STAG1: variants seen among roughly 807,000 people sequenced by gnomAD.
STAG1 encodes STAG1 cohesin complex component.
A neutral mutation model predicts 170.9 loss-of-function variants in STAG1; 26 were observed. That is an observed-to-expected ratio of 0.15 (90% CI 0.11 to 0.21). STAG1 has a LOEUF of 0.21. Ranked by LOEUF, STAG1 falls within the 10% of genes least tolerant of loss-of-function variation. STAG1 has a pLI of 1.00. For missense variants in STAG1, 964 were observed against 1,509.5 expected, an observed-to-expected ratio of 0.64 and a Z score of 5.99; for synonymous variants, 514 against 497.7, an observed-to-expected ratio of 1.03 and a Z score of -0.44.
intron 6 of STAG1, among the ~76,000 whole-genome samples, chr3:136,526,136 A>G (rs1935013755): frequency 6.6e-6 from 1 of 152,146 alleles, no homozygotes; most frequent in African/African-American, 2.4e-5. Context: ...GCTGAGTTCA[A>G]TTCCTGGATA....
At chr3:136,736,299 G>A (rs957482777) in intron 1 of STAG1, among the ~76,000 whole-genome samples, 1 of 152,140 alleles carries the variant, frequency 6.6e-6, no homozygotes. Flanking sequence ...AGAGGGGAAG[G>A]CCTTTTTTTA....
At chr3:136,470,378 T>G (rs961468996) in intron 12 of STAG1, among the ~76,000 whole-genome samples, 26 of 152,290 alleles carry the variant, frequency 1.7e-4, no homozygotes, top group African/African-American at 6.0e-4. Context: ...AACAGACACG[T>G]GAAATAATGC....
chr3:136,433,087 C>T (rs1296979450), intron 16 of STAG1, among the ~76,000 whole-genome samples: 1 of 150,548 alleles, frequency 6.6e-6, no homozygotes, highest in Admixed American at 6.6e-5. Context: ...CCTCTTCAAA[C>T]CAACAGAGCC....
chr3:136,714,990 ATTT>A (rs1943495934), intron 1 of STAG1, among the ~76,000 whole-genome samples: 1 of 109,738 alleles, frequency 9.1e-6, no homozygotes, highest in African/African-American at 3.0e-5. Flanking sequence ...TTATATATAT[ATTT>A]TATATATATA....
chr3:136,645,947 C>T (rs974972045), intron 1 of STAG1, among the ~76,000 whole-genome samples: 3 of 152,168 alleles, frequency 2.0e-5, no homozygotes, highest in Admixed American at 2.0e-4. Flanking sequence ...ACTGCAAACC[C>T]AAGTCTCAGG....
At chr3:136,687,061 G>A (rs1418816287) in intron 1 of STAG1, among the ~76,000 whole-genome samples, 2 of 152,130 alleles carry the variant, frequency 1.3e-5, no homozygotes, top group Middle Eastern at 3.2e-3. Flanking sequence ...TTAATATGAT[G>A]GTGTAAGTTA....
chr3:136,562,282 C>T (rs749026112), intron 5 of STAG1, among the ~76,000 whole-genome samples: 1 of 146,006 alleles, frequency 6.8e-6, no homozygotes, highest in Non-Finnish European at 1.5e-5. Flanking sequence ...TTTTTTTAGA[C>T]AGAGTTTCGC....
intron 21 of STAG1, among the ~76,000 whole-genome samples, chr3:136,404,940 A>T (rs1248582557): frequency 6.6e-6 from 1 of 152,058 alleles, no homozygotes; most frequent in East Asian, 1.9e-4. Context: ...AAAACCTAAA[A>T]ATCCACGTAA....
intron 15 of STAG1, among the ~76,000 whole-genome samples, chr3:136,439,833 C>G (rs2107757102): frequency 6.6e-6 from 1 of 152,316 alleles, no homozygotes; most frequent in Middle Eastern, 3.4e-3. Context: ...ATCAGTGAAA[C>G]TGTGGTTGAC....
chr3:136,737,107 T>C, intron 1 of STAG1: 1 of 883,148 alleles, frequency 1.1e-6, no homozygotes, highest in Non-Finnish European at 1.9e-6. Context: ...CAGGTCAGTC[T>C]TTCAATCTGA....
At chr3:136,616,704 T>TTG (rs1373039331) in intron 3 of STAG1, among the ~76,000 whole-genome samples, 2 of 152,000 alleles carry the variant, frequency 1.3e-5, no homozygotes, top group African/African-American at 4.8e-5. Flanking sequence ...CCGAGGAGTT[T>TTG]GAGACCAGCC....
intron 7 of STAG1, among the ~76,000 whole-genome samples, chr3:136,519,878 A>C (rs1934584003): frequency 6.6e-6 from 1 of 152,092 alleles, no homozygotes; most frequent in Non-Finnish European, 1.5e-5. Context: ...TTTTCAACAA[A>C]TTATATTTTT....
intron 7 of STAG1, among the ~76,000 whole-genome samples, chr3:136,519,613 A>G (rs1270905943): frequency 2.0e-5 from 3 of 152,190 alleles, no homozygotes; most frequent in East Asian, 3.9e-4. Context: ...AGAAAGAAGT[A>G]AGACGAAAAG....
chr3:136,742,275 T>A (rs570197373), intron 1 of STAG1, among the ~76,000 whole-genome samples: 2 of 152,258 alleles, frequency 1.3e-5, no homozygotes, highest in East Asian at 3.9e-4. Flanking sequence ...GTATAAAAGA[T>A]ACATTAACCA....
rs536468602 is a variant in STAG1 at position 136,749,168 on chromosome 3, A to G, written c.-84+3027T>C. On this transcript the variant is annotated intron_variant, in intron 1 of 33. Transcript: ENST00000383202. ...ATTATATGACAAAATATATGTTTGC[A>G]TATGTAATTAAGGCCCTTAATCAGT... 5.7e-4 allele frequency among the ~76,000 whole-genome samples: 87 copies of G among 152,328 alleles called. 1 individual carries two copies. The highest frequency in any genetic ancestry group is 1.8e-3 in the African/African-American group (73 of 41,584).
intron 5 of STAG1, among the ~76,000 whole-genome samples, chr3:136,564,574 T>C (rs1357759113): frequency 6.6e-6 from 1 of 152,218 alleles, no homozygotes; most frequent in Non-Finnish European, 1.5e-5. Flanking sequence ...AGGATTTTTA[T>C]TATATTCTAC....
chr3:136,462,858 C>T (rs1384468118), intron 13 of STAG1, among the ~76,000 whole-genome samples: 2 of 152,018 alleles, frequency 1.3e-5, no homozygotes, highest in South Asian at 4.1e-4. Flanking sequence ...ATAATACAGA[C>T]ATAAAATAAG....
chr3:136,513,381 A>G (rs1934177727), intron 7 of STAG1, among the ~76,000 whole-genome samples: 1 of 152,148 alleles, frequency 6.6e-6, no homozygotes, highest in African/African-American at 2.4e-5. Context: ...GACTTGGAAA[A>G]TAAGAAAGAA....
At chr3:136,547,795 T>C (rs1037251795) in intron 5 of STAG1, among the ~76,000 whole-genome samples, 5 of 152,230 alleles carry the variant, frequency 3.3e-5, no homozygotes, top group Non-Finnish European at 2.9e-5. Context: ...CCAAGACCAA[T>C]GTCATGAAGC....
Sources: gnomAD v4.1 joint callset for allele counts (sites outside exome capture counted in the v4.1 genomes callset) on GRCh38, gnomAD v4.1.1 for gene constraint, MANE v1.5 for transcripts, NCBI Gene and HGNC (gene_info 2026-07-23, HGNC 2026-07-21) for gene names.